Variants in DPP4 observed in about 807,000 individuals in gnomAD.
The protein encoded by DPP4 is ADCP-2.
DPP4 carries 93 observed loss-of-function variants against 122.4 expected under a neutral mutation model. The ratio of observed to expected loss-of-function variants is 0.76; its 90% CI spans 0.64 to 0.90. The LOEUF (loss-of-function observed/expected upper bound fraction) is 0.90. Among genes scored for constraint, DPP4 ranks in the 40% least tolerant of loss-of-function variants. The probability of loss-of-function intolerance (pLI) is 0.00; values close to 1 mark genes in which losing one functional copy is unlikely to be tolerated. For missense variants in DPP4, 914 were observed against 907.3 expected, an observed-to-expected ratio of 1.01 and a Z score of -0.09; for synonymous variants, 321 against 302.9, an observed-to-expected ratio of 1.06 and a Z score of -0.62.
At chr2:162,025,874 T>C (rs888685516) in intron 10 of DPP4, among the ~76,000 whole-genome samples, 21 of 152,066 alleles carry the variant, frequency 1.4e-4, no homozygotes, top group Non-Finnish European at 2.5e-4. Flanking sequence ...CTCCTCCCCA[T>C]CCCAAATGCT....
At chr2:162,035,360 T>A in intron 8 of DPP4, 36 bp from the exon 9 acceptor site, 1 of 1,596,040 alleles carries the variant, frequency 6.3e-7, no homozygotes, top group Non-Finnish European at 8.5e-7. Context: ...TTACAAGAAG[T>A]AGCTGATAAA....
At position 162,022,762 on chromosome 2, in the gene DPP4, A is replaced by T. The variant is rs200047090; in HGVS notation, c.1061T>A (p.Val354Asp). 1 of 1,613,530 alleles carries T rather than the reference A, an allele frequency of 6.2e-7. No homozygotes were observed. Among genetic ancestry groups the T allele is most frequent in the Non-Finnish European group, 8.5e-7 (1 of 1,179,946 alleles). ...ACAACTTATAACACTTACTCTTCCA[A>T]CCCAGCCAGTAGTACTCATTTCAAT... is the stretch of plus-strand genomic sequence containing the variant. ...QHIEMSTTGW[V>D]GRFRPSEPHF... Residue 354 changes from valine to aspartate, a missense_variant, in exon 12 of 26, where the codon GTT (valine) becomes GAT (aspartate). Coordinates refer to ENST00000360534, the MANE Select transcript of DPP4 (RefSeq NM_001935.4).
At chr2:162,036,571 T>C (rs777033287) in intron 8 of DPP4, among the ~76,000 whole-genome samples, 2 of 152,196 alleles carry the variant, frequency 1.3e-5, no homozygotes, top group Non-Finnish European at 2.9e-5. Flanking sequence ...TGACTCATGC[T>C]TTTCATCTCA....
Position 162,067,146 on chromosome 2 carries a change from G to C in DPP4, c.94+6253C>G, listed in dbSNP as rs553312595. On this transcript the variant is annotated intron_variant, in intron 2 of 25. Transcript: ENST00000360534. ...AGGTTTTAAATCTCATACTGAAAGAGTTTTATGCCTGGAATCAAATAATGG... is the reference window on the plus strand; with the variant it reads ...AGGTTTTAAATCTCATACTGAAAGACTTTTATGCCTGGAATCAAATAATGG... Among the ~76,000 whole-genome samples the C allele has an allele frequency of 9.9e-5, 5 of 50,674 alleles. No homozygotes were observed. The South Asian group carries it at 2.9e-3, about 30-fold the overall frequency. 33.2% of individuals were successfully genotyped at this position (50,674 alleles called of 152,430 possible).
chr2:162,057,096 TCCTTAAAAA>T (rs1684606043), intron 2 of DPP4, among the ~76,000 whole-genome samples: 1 of 152,280 alleles, frequency 6.6e-6, no homozygotes, highest in Admixed American at 6.5e-5. Flanking sequence ...TGCCAAATCA[TCCTTAAAAA>T]CCCTAACCTC....
chr2:161,998,301 C>T (rs749564610), intron 23 of DPP4, among the ~76,000 whole-genome samples: 2 of 152,198 alleles, frequency 1.3e-5, no homozygotes, highest in African/African-American at 4.8e-5. Context: ...CATTAATTGC[C>T]TGAATCGCAG....
In DPP4 at chr2:162,008,628, C is replaced by T. The variant is rs1449917299; in HGVS notation, c.1921G>A (p.Gly641Arg). The T allele has an allele frequency of 1.2e-6, 2 of 1,613,634 alleles. No homozygotes were observed. The highest frequency in any genetic ancestry group is 2.2e-5 in the South Asian group (2 of 91,060). Residue 641 changes from glycine (G) to arginine (R), a missense_variant, in exon 22 of 26, where the codon GGA becomes AGA. By Grantham distance (125) the Gly-to-Arg change is moderately radical. Transcript: ENST00000360534. ...CACTTGAACACGCCACTTCCCGATC[C>T]CAGGACCATTGAGGTTACGTACCCT... ...YGGYVTSMVL[G>R]SGSGVFKCGI... is the part of the protein sequence containing the mutation.
intron 2 of DPP4, among the ~76,000 whole-genome samples, chr2:162,059,178 A>G (rs1034082517): frequency 1.5e-4 from 23 of 152,182 alleles, no homozygotes; most frequent in Admixed American, 5.2e-4. Context: ...AGAGTCAGGA[A>G]GCTCTACACA....
chr2:162,008,519 G>A, intron 22 of DPP4, 43 bp downstream of exon 22: 1 of 1,546,244 alleles, frequency 6.5e-7, no homozygotes, highest in Non-Finnish European at 8.9e-7. Flanking sequence ...GCATTTTGAG[G>A]TCAACACTCC....
Position 162,048,932 on chromosome 2 carries a change from G to T in DPP4, c.95-1431C>A, listed in dbSNP as rs946758806. Reference sequence around the variant, plus strand: ...ATTCCACAGTAGGCACACACTCAAAGAGTTTTTATTGGTTAATGTAGGATA... The same window carrying T: ...ATTCCACAGTAGGCACACACTCAAATAGTTTTTATTGGTTAATGTAGGATA... On this transcript the variant is annotated intron_variant, in intron 2 of 25. Transcript: ENST00000360534. Among the ~76,000 whole-genome samples the T allele has an allele frequency of 3.3e-5, 5 of 152,180 alleles. No homozygotes were observed. In the East Asian group the frequency reaches 9.6e-4, roughly 29 times the overall value.
intron 4 of DPP4, 158 bp downstream of exon 4, chr2:162,046,757 A>G (rs1412638667): frequency 2.9e-6 from 2 of 689,176 alleles, no homozygotes; most frequent in African/African-American, 3.5e-5. Flanking sequence ...AAAAGTAGCC[A>G]AGGCAGGGAG....
chr2:162,053,577 G>C (rs1684461080), intron 2 of DPP4, among the ~76,000 whole-genome samples: 1 of 152,242 alleles, frequency 6.6e-6, no homozygotes, highest in Non-Finnish European at 1.5e-5. Flanking sequence ...CAAAAAAGGA[G>C]CCTTGGGCAC....
rs554903355 is a variant in DPP4 at position 162,038,844 on chromosome 2, G to C, written c.492+105C>G. 59 of 974,486 alleles carry C rather than the reference G, an allele frequency of 6.1e-5. No homozygotes were observed. In the East Asian group the frequency reaches 1.3e-3, roughly 22 times the overall value. 60.4% of individuals were successfully genotyped at this position (974,486 alleles called of 1,614,324 possible). A position where few individuals can be genotyped will look rare whatever the true frequency, so the allele number is the denominator to read the frequency against. On this transcript the variant is annotated intron_variant, in intron 7 of 25. Coordinates refer to ENST00000360534, the MANE Select transcript of DPP4 (RefSeq NM_001935.4). ...GGGCAATAACACTATGTTCTATAGT[G>C]AAGTATTGAGTTCCTAAGATGTCTG...
intron 5 of DPP4, 69 bp from the exon 6 acceptor site, chr2:162,039,253 C>A (rs1188045414): frequency 1.6e-6 from 2 of 1,240,262 alleles, no homozygotes; most frequent in Admixed American, 1.8e-5. Flanking sequence ...TATAGGAGAC[C>A]AAGATGATAG....
rs746787366 is a variant in DPP4, at chr2:162,033,565, G to C, written c.863C>G (p.Thr288Ser). The C allele has an allele frequency of 1.2e-5, 19 of 1,612,854 alleles. No homozygotes were observed. The South Asian group carries it at 1.3e-4, about 11-fold the overall frequency. The change falls in exon 10 of 26, where the codon ACT (threonine) becomes AGT (serine). Residue 288 changes from threonine to serine, a missense_variant. Physicochemically the swap from Thr to Ser is moderately conservative, Grantham distance 58 (BLOSUM62 1). Transcript: ENST00000360534. ...CCCTATCAACATAGAAGCAGGAGCA[G>C]TGATTTGTATGGAAGTTGCATTGGT... is the stretch of plus-strand genomic sequence containing the variant. ...SVTNATSIQI[T>S]APASMLIGDH...
intron 2 of DPP4, among the ~76,000 whole-genome samples, chr2:162,058,587 T>C (rs1273202013): frequency 6.6e-6 from 1 of 152,264 alleles, no homozygotes; most frequent in Non-Finnish European, 1.5e-5. Context: ...AATCTCGTTA[T>C]TCAAGTTAGA....
At chr2:162,040,013 C>T (rs1193544741) in intron 5 of DPP4, among the ~76,000 whole-genome samples, 1 of 151,784 alleles carries the variant, frequency 6.6e-6, no homozygotes, top group Non-Finnish European at 1.5e-5. Context: ...TCATAAGAGG[C>T]TATTATAAAC....
At chr2:162,038,203 T>C in intron 8 of DPP4, 99 bp downstream of exon 8, 1 of 1,189,338 alleles carries the variant, frequency 8.4e-7, no homozygotes, top group East Asian at 2.6e-5. Flanking sequence ...AATGAAACTT[T>C]TTTTCAATCT....
chr2:161,993,231 GA>G lies in DPP4; in HGVS notation c.*51del. 1 of 1,409,352 alleles carries G rather than the reference GA, an allele frequency of 7.1e-7. No homozygotes were observed. Among genetic ancestry groups the G allele is most frequent in the Admixed American group, 1.7e-5 (1 of 59,230 alleles). 87.3% of individuals were successfully genotyped at this position (1,409,352 alleles called of 1,614,324 possible). ...CTTGACAGTGCAGTTTTGAGATAAT[GA>G]AAACAAAAATGAGTTTTAATAAGCT... is the stretch of plus-strand genomic sequence containing the variant. On this transcript the variant is annotated 3_prime_UTR_variant, in exon 26 of 26. Transcript: ENST00000360534.
Sources: gnomAD v4.1 joint callset for allele counts (sites outside exome capture counted in the v4.1 genomes callset) on GRCh38, gnomAD v4.1.1 for gene constraint, MANE v1.5 for transcripts, NCBI Gene and HGNC (gene_info 2026-07-23, HGNC 2026-07-21) for gene names.